The following SH3PXD2A variants were observed in gnomAD, a reference collection of about 807,000 sequenced individuals.
SH3PXD2A encodes SH3 and PX domains 2A.
A neutral mutation model predicts 115.2 loss-of-function variants in SH3PXD2A; 32 were observed. The ratio of observed to expected loss-of-function variants is 0.28; its 90% CI spans 0.21 to 0.37. The LOEUF is 0.37. SH3PXD2A is among the 10% of genes least tolerant of loss of function. The pLI is 1.00. For missense variants in SH3PXD2A, 1,328 were observed against 1,498.7 expected, an observed-to-expected ratio of 0.89 and a Z score of 1.88; for synonymous variants, 610 against 629.1, an observed-to-expected ratio of 0.97 and a Z score of 0.45.
At chr10:103,847,337 A>G (rs1842856655) in intron 1 of SH3PXD2A, among the ~76,000 whole-genome samples, 1 of 150,870 alleles carries the variant, frequency 6.6e-6, no homozygotes, top group Admixed American at 6.6e-5. Flanking sequence ...TTTTTGAGAC[A>G]GGGTCTCACT....
chr10:103,680,916 G>A (rs1051833885), intron 6 of SH3PXD2A, among the ~76,000 whole-genome samples: 2 of 151,292 alleles, frequency 1.3e-5, no homozygotes, highest in Non-Finnish European at 2.9e-5. Flanking sequence ...AGAAAAAGGT[G>A]CTAAAACAAT....
In SH3PXD2A at chr10:103,596,547, C is replaced by T. The variant is rs1445230985; in HGVS notation, c.*5269G>A. On this transcript the variant is annotated 3_prime_UTR_variant, in exon 15 of 15. Transcript: ENST00000369774. ...ACCTGCCCATTGCCAAGGACTTGTT[C>T]AATGGAGACAGCTTGCCTGGTATTT... The T allele has an allele frequency of 1.3e-5, 2 of 152,456 alleles. No individual in the cohort carries two copies. The highest frequency in any genetic ancestry group is 2.9e-5 in the Non-Finnish European group (2 of 68,024). The allele number at this position is 152,456 out of a possible 1,614,324, so 9.4% of individuals were successfully genotyped here.
intron 3 of SH3PXD2A, among the ~76,000 whole-genome samples, chr10:103,743,274 C>T (rs1006003711): frequency 5.9e-5 from 9 of 152,128 alleles, no homozygotes; most frequent in South Asian, 2.1e-4. Flanking sequence ...AAAACACAAA[C>T]GACCCCTCTT....
At chr10:103,763,475 C>A (rs2038722103) in intron 3 of SH3PXD2A, among the ~76,000 whole-genome samples, 1 of 152,228 alleles carries the variant, frequency 6.6e-6, no homozygotes, top group Non-Finnish European at 1.5e-5. Flanking sequence ...ATTCTCAAGG[C>A]TGGCTGCTAA....
intron 4 of SH3PXD2A, among the ~76,000 whole-genome samples, chr10:103,734,154 C>T (rs994716405): frequency 3.3e-5 from 5 of 152,176 alleles, no homozygotes; most frequent in African/African-American, 9.7e-5. Flanking sequence ...AGTAAGTGGG[C>T]ACCGGGATTC....
chr10:103,609,861 G>T (rs1325693348), intron 13 of SH3PXD2A: 2 of 152,228 alleles, frequency 1.3e-5, no homozygotes, highest in Admixed American at 1.3e-4. Context: ...CTTGGGGCTG[G>T]ACTCCAATCA....
chr10:103,854,530 C>T (rs1004557812), intron 1 of SH3PXD2A, among the ~76,000 whole-genome samples: 2 of 152,120 alleles, frequency 1.3e-5, no homozygotes, highest in Admixed American at 1.3e-4. Flanking sequence ...ACATTCGCCT[C>T]CTCGTGTCTG....
At chr10:103,740,720 A>C (rs1164581929) in intron 3 of SH3PXD2A, among the ~76,000 whole-genome samples, 1 of 152,182 alleles carries the variant, frequency 6.6e-6, no homozygotes, top group Non-Finnish European at 1.5e-5. Context: ...CACAGTGTCT[A>C]TGCATGCATG....
intron 8 of SH3PXD2A, among the ~76,000 whole-genome samples, chr10:103,633,783 G>A (rs1299402627): frequency 7.0e-6 from 1 of 143,068 alleles, no homozygotes; most frequent in East Asian, 2.3e-4. Flanking sequence ...TGACGGCACA[G>A]CGGGAGAATA....
rs1315115886 is a variant in SH3PXD2A, at chr10:103,598,239, G to A, written c.*3577C>T. 2 of 152,662 alleles carry A rather than the reference G, an allele frequency of 1.3e-5. No individual in the cohort carries two copies. Among genetic ancestry groups the A allele is most frequent in the African/African-American group, 4.8e-5 (2 of 41,442 alleles). 9.5% of individuals were successfully genotyped at this position (152,662 alleles called of 1,614,324 possible). A position where few individuals can be genotyped will look rare whatever the true frequency, so the allele number is the denominator to read the frequency against. On this transcript the variant is annotated 3_prime_UTR_variant, in exon 15 of 15. Coordinates refer to ENST00000369774, the MANE Select transcript of SH3PXD2A (RefSeq NM_001394015.1). ...AGCCCGTCTACAGTCATTGGACATA[G>A]GGGAAACCCACAGGGCATGGGGCAC...
At chr10:103,622,892 C>T (rs2036629060) in intron 9 of SH3PXD2A, among the ~76,000 whole-genome samples, 2 of 152,314 alleles carry the variant, frequency 1.3e-5, no homozygotes, top group Admixed American at 6.5e-5. Flanking sequence ...CTACAGCCTC[C>T]AGGGATGGTG....
intron 6 of SH3PXD2A, among the ~76,000 whole-genome samples, chr10:103,679,873 G>A (rs2037587008): frequency 6.6e-6 from 1 of 152,222 alleles, no homozygotes; most frequent in Non-Finnish European, 1.5e-5. Flanking sequence ...AGAGCCTAAG[G>A]TGCTCCAGGG....
intron 3 of SH3PXD2A, among the ~76,000 whole-genome samples, chr10:103,738,648 G>A (rs1030213714): frequency 3.9e-5 from 6 of 152,148 alleles, no homozygotes; most frequent in Admixed American, 2.6e-4. Context: ...ATGCACTCCC[G>A]CCCTTTCTCA....
chr10:103,649,673 G>T (rs533317147), intron 8 of SH3PXD2A, among the ~76,000 whole-genome samples: 4 of 152,222 alleles, frequency 2.6e-5, no homozygotes, highest in Non-Finnish European at 5.9e-5. Flanking sequence ...ACCCCTGATC[G>T]CAGCAGCTCA....
chr10:103,683,421 C>T (rs1364702323), intron 6 of SH3PXD2A, among the ~76,000 whole-genome samples: 3 of 151,804 alleles, frequency 2.0e-5, no homozygotes, highest in East Asian at 1.9e-4. Flanking sequence ...GGCTGAGGCA[C>T]GAGAGCTGAG....
chr10:103,714,948 C>T (rs2038088716), intron 5 of SH3PXD2A, among the ~76,000 whole-genome samples: 1 of 152,162 alleles, frequency 6.6e-6, no homozygotes, highest in Non-Finnish European at 1.5e-5. Context: ...CCTGGAGTTT[C>T]CAACAGCCTG....
chr10:103,736,678 A>G (rs2038384306), intron 3 of SH3PXD2A: 5 of 884,582 alleles, frequency 5.7e-6, no homozygotes, highest in South Asian at 1.4e-5. Flanking sequence ...AACATCCACA[A>G]CTCGTTGTCC....
chr10:103,622,441 AG>A, intron 10 of SH3PXD2A, 28 bp downstream of exon 10: 1 of 1,456,832 alleles, frequency 6.9e-7, no homozygotes. Context: ...GGTCGCTGCG[AG>A]GGAGGAGAAG....
chr10:103,788,169 C>G (rs946111540), intron 2 of SH3PXD2A, among the ~76,000 whole-genome samples: 1 of 152,240 alleles, frequency 6.6e-6, no homozygotes, highest in Admixed American at 6.5e-5. Context: ...CACCGCTGCT[C>G]CAGCCATGAT....
Sources: gnomAD v4.1 joint callset for allele counts (sites outside exome capture counted in the v4.1 genomes callset) on GRCh38, gnomAD v4.1.1 for gene constraint, MANE v1.5 for transcripts, NCBI Gene and HGNC (gene_info 2026-07-23, HGNC 2026-07-21) for gene names.